Variants in SLC29A4 observed in about 807,000 individuals in gnomAD.
SLC29A4 encodes the protein solute carrier family 29 member 4, also known as equilibrative nucleoside transporter 4.
In SLC29A4, 36 loss-of-function variants were observed where a neutral mutation model predicts 43.9. The ratio of observed to expected loss-of-function variants is 0.82; its 90% CI spans 0.63 to 1.08. SLC29A4 has a LOEUF of 1.08. SLC29A4 is among the 50% of genes least tolerant of loss of function. The probability of loss-of-function intolerance (pLI) is 0.00; values close to 1 mark genes in which losing one functional copy is unlikely to be tolerated. For missense variants in SLC29A4, 869 were observed against 755.3 expected (o/e 1.15, Z -1.77); for synonymous variants, 491 against 338.0 (o/e 1.45, Z -4.97).
chr7:5,298,316 A>G (rs977136201), intron 7 of SLC29A4, among the ~76,000 whole-genome samples: 8 of 152,174 alleles, frequency 5.3e-5, no homozygotes, highest in Admixed American at 2.0e-4. Flanking sequence ...GACCTGACCC[A>G]CAGGAAGCGT....
intron 1 of SLC29A4, among the ~76,000 whole-genome samples, chr7:5,284,324 C>A (rs2128085534): frequency 6.6e-6 from 1 of 152,228 alleles, no homozygotes; most frequent in Middle Eastern, 3.4e-3. Flanking sequence ...TGAATGCCTA[C>A]TGTGTGCAGC....
chr7:5,297,730 C>G (rs1562452288), intron 7 of SLC29A4, among the ~76,000 whole-genome samples: 1 of 152,124 alleles, frequency 6.6e-6, no homozygotes, highest in South Asian at 2.1e-4. Context: ...GGCGGGGCCC[C>G]CAGAATTTCC....
chr7:5,287,393 G>A (rs1245261460), intron 1 of SLC29A4, among the ~76,000 whole-genome samples: 1 of 151,366 alleles, frequency 6.6e-6, no homozygotes, highest in African/African-American at 2.4e-5. Context: ...ACTCCAACCT[G>A]GGTGACAGAG....
At position 5,297,133 on chromosome 7, in the gene SLC29A4, C is replaced by A; in HGVS notation, c.817C>A (p.Pro273Thr). Reference sequence around the variant, plus strand: ...GCCGCGTGACAGCCACCGGGGCAGGCCAGGCCTGGGCAGGGGCTATGGCTA... The same window carrying A: ...GCCGCGTGACAGCCACCGGGGCAGGACAGGCCTGGGCAGGGGCTATGGCTA... ...TRPRDSHRGR[P>T]GLGRGYGYRV... Residue 273 changes from proline to threonine, a missense_variant, in exon 7 of 11, where the codon CCA becomes ACA. Physicochemically the swap from Pro to Thr is conservative, Grantham distance 38. Coordinates refer to ENST00000396872, the MANE Select transcript of SLC29A4 (RefSeq NM_153247.4). 1.2e-6 allele frequency: 2 copies of A among 1,605,710 alleles called. No homozygotes were observed. The highest frequency in any genetic ancestry group is 1.7e-6 in the Non-Finnish European group (2 of 1,179,508).
rs906703771 is a variant in SLC29A4, at chr7:5,291,612, G to A, written c.416-81G>A. On this transcript the variant is annotated intron_variant, in intron 4 of 10. Transcript: ENST00000396872. Reference sequence around the variant, plus strand: ...GGAAGGGCAGAGAAAGCCTCAGAGCGACTCTGCAGGAGGGGCGAGGAGGAG... The same window carrying A: ...GGAAGGGCAGAGAAAGCCTCAGAGCAACTCTGCAGGAGGGGCGAGGAGGAG... 21 of 1,496,098 alleles carry A rather than the reference G, an allele frequency of 1.4e-5. No homozygotes were observed. In the East Asian group the frequency reaches 1.6e-4, roughly 11 times the overall value. 92.7% of individuals were successfully genotyped at this position (1,496,098 alleles called of 1,614,324 possible).
chr7:5,294,759 T>G, intron 5 of SLC29A4, 101 bp from the exon 6 acceptor site: 361 of 1,220,026 alleles, frequency 3.0e-4, no homozygotes, highest in Middle Eastern at 4.3e-4. Flanking sequence ...TTAACGGCTG[T>G]TTACGCACCC....
chr7:5,302,741 G>A (rs995453955), intron 10 of SLC29A4, 56 bp from the exon 11 acceptor site: 107 of 1,517,004 alleles, frequency 7.1e-5, no homozygotes, highest in Middle Eastern at 2.3e-4. Context: ...CCGAGCAGCC[G>A]TGGCCACCAG....
intron 1 of SLC29A4, among the ~76,000 whole-genome samples, chr7:5,285,902 T>G (rs1784913995): frequency 6.6e-6 from 1 of 151,938 alleles, no homozygotes; most frequent in African/African-American, 2.4e-5. Context: ...TCCAGCTACT[T>G]AAGAGACTGA....
intron 6 of SLC29A4, among the ~76,000 whole-genome samples, chr7:5,296,304 T>C (rs1038204722): frequency 1.3e-5 from 2 of 151,402 alleles, no homozygotes; most frequent in African/African-American, 4.9e-5. Flanking sequence ...CCTGCGCCCG[T>C]GTGTCATCGT....
chr7:5,297,199 G>GT lies in SLC29A4; in HGVS notation c.882+2dup. 1 of 1,581,884 alleles carries GT rather than the reference G, an allele frequency of 6.3e-7. No individual in the cohort carries two copies. The highest frequency in any genetic ancestry group is 8.6e-7 in the Non-Finnish European group (1 of 1,169,034). ...CGTTGTCGCCGGGGACGTCCACTTC[G>GT]TAAGTGCGCACCGCCCACCTCTGTT... On this transcript the variant is annotated splice_donor_variant, in intron 7 of 10. Coordinates refer to ENST00000396872, the MANE Select transcript of SLC29A4 (RefSeq NM_153247.4). LOFTEE classifies it high-confidence loss of function.
chr7:5,294,911 C>T lies in SLC29A4; in HGVS notation c.596C>T (p.Thr199Met), dbSNP rs764692318. The change falls in exon 6 of 11, where the codon ACG (threonine) becomes ATG (methionine). Residue 199 changes from threonine to methionine, a missense_variant. By Grantham distance (81) the Thr-to-Met change is moderately conservative (BLOSUM62 -1). Transcript: ENST00000396872. ...GYTGMLPKRY[T>M]QGVMTGESTA... ...ACGGGGATGCTGCCCAAGCGGTACACGCAGGGGGTGATGACCGGGGAGAGT... is the reference window on the plus strand; with the variant it reads ...ACGGGGATGCTGCCCAAGCGGTACATGCAGGGGGTGATGACCGGGGAGAGT... 76 of 1,609,558 alleles carry T rather than the reference C, an allele frequency of 4.7e-5. No individual in the cohort carries two copies. The Admixed American group carries it at 7.7e-4, about 16-fold the overall frequency.
intron 2 of SLC29A4, among the ~76,000 whole-genome samples, chr7:5,289,954 T>C (rs1785198996): frequency 6.6e-6 from 1 of 151,986 alleles, no homozygotes; most frequent in Non-Finnish European, 1.5e-5. Flanking sequence ...GGCCCAACCT[T>C]GGCTCACTGC....
rs1785935080 is a variant in SLC29A4, at chr7:5,299,038, A to G, written c.933A>G (p.Pro311=). The G allele has an allele frequency of 6.2e-7, 1 of 1,612,172 alleles. No individual in the cohort carries two copies. The highest frequency in any genetic ancestry group is 1.3e-5 in the African/African-American group (1 of 75,042). The change falls in exon 8 of 11, where the codon CCA becomes CCG. Residue 311 remains proline, a synonymous_variant. Transcript: ENST00000396872. ...CCAACGAGTCCCCAAAGGACAGCCCAGCCCACGAGGTGACCGGCAGCGGCG... is the reference window on the plus strand; with the variant it reads ...CCAACGAGTCCCCAAAGGACAGCCCGGCCCACGAGGTGACCGGCAGCGGCG... ...LAPNESPKDS[P]AHEVTGSGGA... is the part of the protein sequence containing the mutation.
rs78220096 is a variant in SLC29A4, at chr7:5,306,824, T to C, written c.*3885T>C. 1 of 151,452 alleles carries C rather than the reference T, an allele frequency of 6.6e-6. No individual in the cohort carries two copies. Among genetic ancestry groups the C allele is most frequent in the African/African-American group, 2.4e-5 (1 of 41,192 alleles). The allele number at this position is 151,452 out of a possible 1,614,324, so 9.4% of individuals were successfully genotyped here. A position where few individuals can be genotyped will look rare whatever the true frequency, so the allele number is the denominator to read the frequency against. On this transcript the variant is annotated 3_prime_UTR_variant, in exon 11 of 11. Transcript: ENST00000396872. ...TCCAATTAAATCTTTTCTTTTTTTTTATGAAAAAAGATCACACAGAATTTG... is the reference window on the plus strand; with the variant it reads ...TCCAATTAAATCTTTTCTTTTTTTTCATGAAAAAAGATCACACAGAATTTG...
At position 5,302,910 on chromosome 7, in the gene SLC29A4, G is replaced by T. The variant is rs368286409; in HGVS notation, c.1564G>T (p.Ala522Ser). Reference sequence around the variant, plus strand: ...CGGCAGCTGCCTGCACGCCTCCACCGCCAATGGTTCCATCCTCGCAGGCCT... The same window carrying T: ...CGGCAGCTGCCTGCACGCCTCCACCTCCAATGGTTCCATCCTCGCAGGCCT... ...AHGSCLHAST[A>S]NGSILAGL Residue 522 changes from alanine (A) to serine (S), a missense_variant, in exon 11 of 11, where the codon GCC becomes TCC. By Grantham distance (99) the Ala-to-Ser change is moderately conservative. Transcript: ENST00000396872. 1.2e-6 allele frequency: 2 copies of T among 1,607,898 alleles called. No homozygotes were observed. The highest frequency in any genetic ancestry group is 4.5e-5 in the East Asian group (2 of 44,700).
Position 5,303,133 on chromosome 7 carries a change from A to G in SLC29A4, c.*194A>G. 1.5e-6 allele frequency: 1 copy of G among 667,450 alleles called. No homozygotes were observed. Among genetic ancestry groups the G allele is most frequent in the Non-Finnish European group, 2.5e-6 (1 of 399,386 alleles). 41.3% of individuals were successfully genotyped at this position (667,450 alleles called of 1,614,324 possible). ...TGCAAAGTCCTCCGAGGACCGGAACACGTTTCTGCGACCCGGGGCTCTGGC... is the reference window on the plus strand; with the variant it reads ...TGCAAAGTCCTCCGAGGACCGGAACGCGTTTCTGCGACCCGGGGCTCTGGC... On this transcript the variant is annotated 3_prime_UTR_variant, in exon 11 of 11. Transcript: ENST00000396872.
rs374065293 is a variant in SLC29A4 at position 5,303,291 on chromosome 7, G to A, written c.*352G>A. ...TCCCCACCCAGGACAGCAGACACCC[G>A]CCAGAGTGTGCGCGCCCAGTGACTG... is the stretch of plus-strand genomic sequence containing the variant. On this transcript the variant is annotated 3_prime_UTR_variant, in exon 11 of 11. Transcript: ENST00000396872. 5.1e-5 allele frequency: 18 copies of A among 354,762 alleles called. No individual in the cohort carries two copies. Among genetic ancestry groups the A allele is most frequent in the Non-Finnish European group, 8.4e-5 (16 of 190,484 alleles). 22.0% of individuals were successfully genotyped at this position (354,762 alleles called of 1,614,324 possible).
At chr7:5,292,087 C>G (rs759160161) in intron 5 of SLC29A4, among the ~76,000 whole-genome samples, 1 of 152,238 alleles carries the variant, frequency 6.6e-6, no homozygotes, top group Non-Finnish European at 1.5e-5. Context: ...GCTTCAAAGA[C>G]TGTTCTGCCT....
chr7:5,298,353 G>C (rs532723446), intron 7 of SLC29A4, among the ~76,000 whole-genome samples: 1 of 152,168 alleles, frequency 6.6e-6, no homozygotes, highest in Non-Finnish European at 1.5e-5. Flanking sequence ...AAGCGTGTGC[G>C]GTGGGTCAGA....
Sources: gnomAD v4.1 joint callset for allele counts (sites outside exome capture counted in the v4.1 genomes callset) on GRCh38, gnomAD v4.1.1 for gene constraint, MANE v1.5 for transcripts, NCBI Gene and HGNC (gene_info 2026-07-23, HGNC 2026-07-21) for gene names.